Variants in AGBL1 observed in about 807,000 individuals in gnomAD.
The protein encoded by AGBL1 is AGBL carboxypeptidase 1, also known as cytosolic carboxypeptidase 4.
A neutral mutation model predicts 118.9 loss-of-function variants in AGBL1; 130 were observed. The observed-to-expected ratio is 1.09, with a 90% confidence interval of 0.95 to 1.26. The LOEUF is 1.26. Ranked by LOEUF, AGBL1 falls within the 50% of genes most tolerant of loss-of-function variation. AGBL1 has a pLI of 0.00. For synonymous variants in AGBL1, 555 were observed against 478.9 expected (o/e 1.16, Z -2.08); for missense variants, 1,584 against 1,298.1 (o/e 1.22, Z -3.38).
intron 17 of AGBL1, among the ~76,000 whole-genome samples, chr15:86,332,098 A>G (rs898383252): frequency 2.4e-5 from 1 of 41,014 alleles, no homozygotes; most frequent in African/African-American, 6.5e-5. Context: ...TGCAAATGGG[A>G]AAAAAAAGCA....
rs148048078 is a variant in AGBL1 at position 86,296,031 on chromosome 15, C to T, written c.2374+623C>T. On this transcript the variant is annotated intron_variant, in intron 17 of 22. Coordinates refer to ENST00000614907, the MANE Select transcript of AGBL1 (RefSeq NM_001386094.1). Reference sequence around the variant, plus strand: ...GTAGACACAAACATATACGCCTAGACGTGTATACATGTGTAGACACAAACA... The same window carrying T: ...GTAGACACAAACATATACGCCTAGATGTGTATACATGTGTAGACACAAACA... 752 of 152,560 alleles carry T rather than the reference C, an allele frequency of 4.9e-3. 2 individuals carry two copies. Among genetic ancestry groups the T allele is most frequent in the Middle Eastern group, 0.014 (4 of 294 alleles). The allele number at this position is 152,560 out of a possible 1,614,324, so 9.5% of individuals were successfully genotyped here.
At chr15:86,343,106 A>T (rs2080486472) in intron 17 of AGBL1, among the ~76,000 whole-genome samples, 1 of 152,172 alleles carries the variant, frequency 6.6e-6, no homozygotes, top group African/African-American at 2.4e-5. Flanking sequence ...GGACATTTTC[A>T]TGTTACCCAC....
chr15:86,558,583 T>A (rs1290839735), intron 21 of AGBL1, among the ~76,000 whole-genome samples: 1 of 152,230 alleles, frequency 6.6e-6, no homozygotes, highest in African/African-American at 2.4e-5. Flanking sequence ...AGAGGCTGTT[T>A]CCTGCTGTAA....
chr15:86,508,982 T>C (rs2083019559), intron 18 of AGBL1, among the ~76,000 whole-genome samples: 1 of 152,088 alleles, frequency 6.6e-6, no homozygotes, highest in Non-Finnish European at 1.5e-5. Context: ...ATCCTGTGAG[T>C]TAAATACTGG....
At chr15:86,745,253 C>T (rs1251945778) in intron 22 of AGBL1, among the ~76,000 whole-genome samples, 1 of 152,034 alleles carries the variant, frequency 6.6e-6, no homozygotes, top group East Asian at 1.9e-4. Flanking sequence ...TGTGCCCAAT[C>T]TTTCTGAATA....
intron 21 of AGBL1, among the ~76,000 whole-genome samples, chr15:86,660,404 T>C (rs951987967): frequency 6.6e-6 from 1 of 152,302 alleles, no homozygotes; most frequent in East Asian, 1.9e-4. Flanking sequence ...GCATTCTTAC[T>C]GTGTGCATGT....
chr15:86,584,004 T>C (rs1456237987), intron 21 of AGBL1, among the ~76,000 whole-genome samples: 1 of 152,276 alleles, frequency 6.6e-6, no homozygotes, highest in South Asian at 2.1e-4. Flanking sequence ...GAAGTGTCTG[T>C]TAATGTCTTT....
chr15:86,545,539 C>G (rs1450432214), intron 19 of AGBL1, among the ~76,000 whole-genome samples: 1 of 151,984 alleles, frequency 6.6e-6, no homozygotes, highest in Non-Finnish European at 1.5e-5. Context: ...TTTCCTTATC[C>G]TCTCCCTTCT....
intron 6 of AGBL1, among the ~76,000 whole-genome samples, chr15:86,232,207 G>T (rs2078467145): frequency 1.3e-5 from 2 of 152,192 alleles, no homozygotes. Flanking sequence ...AGCTTAAAAG[G>T]TTTAAGCTAA....
chr15:86,820,249 A>G (rs2078920610), intron 22 of AGBL1, among the ~76,000 whole-genome samples: 1 of 152,332 alleles, frequency 6.6e-6, no homozygotes, highest in Non-Finnish European at 1.5e-5. Context: ...CTTCATGACT[A>G]AAACACCAAA....
intron 18 of AGBL1, among the ~76,000 whole-genome samples, chr15:86,481,195 G>C (rs908988964): frequency 1.3e-5 from 2 of 150,970 alleles, no homozygotes; most frequent in African/African-American, 4.9e-5. Context: ...AGGATTTCTT[G>C]AGGGTTTCTT....
intron 21 of AGBL1, among the ~76,000 whole-genome samples, chr15:86,583,952 C>G (rs779996893): frequency 6.9e-6 from 1 of 145,508 alleles, no homozygotes; most frequent in Admixed American, 7.1e-5. Flanking sequence ...TGATGTGGAA[C>G]GTTTTTTCAT....
chr15:86,829,747 G>T (rs1221016022), intron 22 of AGBL1, among the ~76,000 whole-genome samples: 1 of 152,106 alleles, frequency 6.6e-6, no homozygotes. Flanking sequence ...TGTAGGAATG[G>T]TCCCAAAGCA....
At chr15:86,082,679 G>A (rs1022322265) in intron 1 of AGBL1, among the ~76,000 whole-genome samples, 3 of 152,334 alleles carry the variant, frequency 2.0e-5, no homozygotes, top group African/African-American at 7.2e-5. Flanking sequence ...CTGCACACAT[G>A]AGGAAGGGGT....
At chr15:86,839,969 A>G (rs1283061845) in intron 22 of AGBL1, among the ~76,000 whole-genome samples, 1 of 152,122 alleles carries the variant, frequency 6.6e-6, no homozygotes, top group Non-Finnish European at 1.5e-5. Context: ...GCAAGTCACA[A>G]CTTTCTTATA....
intron 23 of AGBL1, among the ~76,000 whole-genome samples, chr15:86,967,785 C>G (rs902576062): frequency 2.0e-5 from 3 of 152,036 alleles, no homozygotes; most frequent in South Asian, 2.1e-4. Context: ...GTTCTTTTGG[C>G]TTAGGATTGA....
intron 23 of AGBL1, among the ~76,000 whole-genome samples, chr15:86,947,669 T>C (rs188888975): frequency 2.0e-3 from 303 of 152,302 alleles, no homozygotes; most frequent in Middle Eastern, 3.4e-3. Context: ...TCAAAAGATA[T>C]AGGCATTGAG....
At chr15:86,188,298 G>A (rs2077664378) in intron 5 of AGBL1, among the ~76,000 whole-genome samples, 2 of 152,126 alleles carry the variant, frequency 1.3e-5, no homozygotes, top group Admixed American at 6.6e-5. Context: ...TTAGTACTGA[G>A]TAATGTGTTA....
At chr15:86,342,869 T>C (rs1353583026) in intron 17 of AGBL1, among the ~76,000 whole-genome samples, 2 of 152,268 alleles carry the variant, frequency 1.3e-5, no homozygotes, top group African/African-American at 4.8e-5. Flanking sequence ...AGGAAGAATA[T>C]GTTCAAAGTA....
Sources: allele counts gnomAD v4.1 joint callset (sites outside exome capture counted in the v4.1 genomes callset), GRCh38; gene constraint gnomAD v4.1.1; transcripts MANE v1.5; gene names NCBI Gene and HGNC (gene_info 2026-07-23, HGNC 2026-07-21).